ADK: variants seen among roughly 807,000 people sequenced by gnomAD.
ADK encodes the protein adenosine kinase.
Under a neutral mutation model 44.7 loss-of-function variants are expected in ADK, and 24 were observed. That is an observed-to-expected ratio of 0.54 (90% CI 0.39 to 0.76). The LOEUF is 0.76. Ranked by LOEUF, ADK falls within the 30% of genes least tolerant of loss-of-function variation. ADK has a pLI of 0.00. For missense variants in ADK, 321 were observed against 425.1 expected, an observed-to-expected ratio of 0.76 and a Z score of 2.15; for synonymous variants, 128 against 142.6, an observed-to-expected ratio of 0.90 and a Z score of 0.73.
intron 3 of ADK, among the ~76,000 whole-genome samples, chr10:74,271,733 G>A (rs921844415): frequency 1.3e-5 from 2 of 150,786 alleles, no homozygotes; most frequent in African/African-American, 4.9e-5. Flanking sequence ...CCCTATAAAG[G>A]ACATGAACTC....
rs58074760 is a variant in ADK at position 74,347,106 on chromosome 10, CAAAAAAAAAAAAAAAAAAAAAA to C, written c.273+32376_273+32397del. ...TGGGCGACAGAGCGACACTCTGTCT[CAAAAAAAAAAAAAAAAAAAAAA>C]AAAAAAAAAAAAAAGATGGCCGAAT... is the stretch of plus-strand genomic sequence containing the variant. On this transcript the variant is annotated intron_variant, in intron 4 of 10. Transcript: ENST00000539909. Among the ~76,000 whole-genome samples, 137 of 92,264 alleles carry C rather than the reference CAAAAAAAAAAAAAAAAAAAAAA, an allele frequency of 1.5e-3. 2 individuals carry two copies. Among genetic ancestry groups the C allele is most frequent in the South Asian group, 2.6e-3 (7 of 2,650 alleles). The allele number at this position is 92,264 out of a possible 152,430, so 60.5% of individuals were successfully genotyped here.
intron 9 of ADK, chr10:74,661,440 G>T (rs1048753096): frequency 6.4e-5 from 12 of 188,514 alleles, no homozygotes; most frequent in South Asian, 3.6e-4. Flanking sequence ...ATAAAATAAG[G>T]TTAGTGATAC....
chr10:74,661,267 CCAT>C, intron 9 of ADK: 7 of 951,382 alleles, frequency 7.4e-6, no homozygotes, highest in Non-Finnish European at 8.8e-6. Flanking sequence ...TCTATTTATT[CCAT>C]CATCACCTTT....
At chr10:74,419,537 A>G (rs1009201259) in intron 6 of ADK, among the ~76,000 whole-genome samples, 12 of 152,166 alleles carry the variant, frequency 7.9e-5, no homozygotes, top group African/African-American at 1.2e-4. Context: ...CTATCTGACA[A>G]TGCACACACT....
intron 6 of ADK, among the ~76,000 whole-genome samples, chr10:74,472,632 T>G (rs984847752): frequency 8.5e-5 from 13 of 152,232 alleles, no homozygotes; most frequent in Admixed American, 2.6e-4. Context: ...TGGTAGCTAC[T>G]AGCTACATGT....
intron 2 of ADK, among the ~76,000 whole-genome samples, chr10:74,222,030 G>T (rs2132234431): frequency 6.6e-6 from 1 of 152,260 alleles, no homozygotes; most frequent in African/African-American, 2.4e-5. Flanking sequence ...TTAAACTAAA[G>T]AGCTTCTGCA....
chr10:74,555,612 A>G (rs1029878448), intron 7 of ADK, among the ~76,000 whole-genome samples: 2 of 133,140 alleles, frequency 1.5e-5, no homozygotes, highest in South Asian at 2.3e-4. Context: ...CCTTGTCTCG[A>G]AAAAAAAAAA....
At chr10:74,599,255 C>T (rs1033678060) in intron 8 of ADK, among the ~76,000 whole-genome samples, 12 of 152,150 alleles carry the variant, frequency 7.9e-5, no homozygotes, top group Non-Finnish European at 1.8e-4. Flanking sequence ...AGCTTAGCTT[C>T]ATATATTATC....
intron 7 of ADK, among the ~76,000 whole-genome samples, chr10:74,580,512 T>C (rs1589268100): frequency 6.6e-6 from 1 of 151,160 alleles, no homozygotes; most frequent in African/African-American, 2.4e-5. Context: ...AAGGCAGAGG[T>C]TACAGTGAGC....
chr10:74,640,279 G>A (rs1210908618), intron 9 of ADK, among the ~76,000 whole-genome samples: 1 of 152,002 alleles, frequency 6.6e-6, no homozygotes, highest in Non-Finnish European at 1.5e-5. Context: ...CTGAAGCTGA[G>A]GGTACTGGTG....
intron 6 of ADK, among the ~76,000 whole-genome samples, chr10:74,507,316 C>T (rs1167243567): frequency 6.6e-6 from 1 of 151,668 alleles, no homozygotes; most frequent in Non-Finnish European, 1.5e-5. Context: ...CTCTTTTTTT[C>T]AAAATTGCTT....
chr10:74,487,777 C>A (rs1452427900), intron 6 of ADK, among the ~76,000 whole-genome samples: 1 of 151,790 alleles, frequency 6.6e-6, no homozygotes. Flanking sequence ...AAGTATCAGG[C>A]TTTAAATAAT....
At chr10:74,495,392 C>T (rs1847646958) in intron 6 of ADK, among the ~76,000 whole-genome samples, 2 of 151,614 alleles carry the variant, frequency 1.3e-5, no homozygotes, top group African/African-American at 4.9e-5. Flanking sequence ...AAGAGTGATG[C>T]ACTAGACAAT....
chr10:74,547,820 G>A (rs113567458), intron 7 of ADK, among the ~76,000 whole-genome samples: 4,513 of 152,186 alleles, frequency 0.03, 192 homozygotes, highest in African/African-American at 0.091. Context: ...CACAACATCC[G>A]GCTAATTTTG....
At chr10:74,446,579 A>G (rs1038198588) in intron 6 of ADK, among the ~76,000 whole-genome samples, 2 of 152,180 alleles carry the variant, frequency 1.3e-5, no homozygotes, top group Non-Finnish European at 2.9e-5. Context: ...GTATTGTGAT[A>G]TAAGACTAAT....
At chr10:74,527,994 T>C in intron 7 of ADK, 1 of 809,908 alleles carries the variant, frequency 1.2e-6, no homozygotes, top group South Asian at 1.4e-5. Flanking sequence ...AAAAGGCACC[T>C]GCAAGAAAAA....
chr10:74,217,376 C>A (rs1268973810), intron 2 of ADK, among the ~76,000 whole-genome samples: 2 of 152,262 alleles, frequency 1.3e-5, no homozygotes, highest in Non-Finnish European at 2.9e-5. Context: ...GAAGCTCCAA[C>A]TGGGTGGAGC....
At chr10:74,392,998 C>T (rs913121551) in intron 4 of ADK, among the ~76,000 whole-genome samples, 1 of 152,028 alleles carries the variant, frequency 6.6e-6, no homozygotes, top group African/African-American at 2.4e-5. Flanking sequence ...CAACATTTTG[C>T]CATTACAAAT....
At chr10:74,463,212 G>A (rs1031964949) in intron 6 of ADK, among the ~76,000 whole-genome samples, 1 of 152,140 alleles carries the variant, frequency 6.6e-6, no homozygotes, top group East Asian at 1.9e-4. Context: ...AGGGCAGGGT[G>A]GGGGAGGGGT....
Sources: gnomAD v4.1 joint callset for allele counts (sites outside exome capture counted in the v4.1 genomes callset) on GRCh38, gnomAD v4.1.1 for gene constraint, MANE v1.5 for transcripts, NCBI Gene and HGNC (gene_info 2026-07-23, HGNC 2026-07-21) for gene names.